The following ARMH4 variants were observed in gnomAD, a reference collection of about 807,000 sequenced individuals.
The protein encoded by ARMH4 is armadillo-like helical domain-containing protein 4.
A neutral mutation model predicts 61.9 loss-of-function variants in ARMH4; 49 were observed. That is an observed-to-expected ratio of 0.79 (90% CI 0.63 to 1.00). The LOEUF (loss-of-function observed/expected upper bound fraction) is 1.00. Among genes scored for constraint, ARMH4 ranks in the 50% least tolerant of loss-of-function variants. The pLI is 0.00. For synonymous variants in ARMH4, 368 were observed against 341.5 expected (o/e 1.08, Z -0.85); for missense variants, 934 against 930.0 (o/e 1.00, Z -0.06).
chr14:58,029,904 G>A (rs963951451), intron 5 of ARMH4, among the ~76,000 whole-genome samples: 3 of 152,004 alleles, frequency 2.0e-5, no homozygotes, highest in Non-Finnish European at 2.9e-5. Flanking sequence ...ACGTGTACAC[G>A]AATGTTCATA....
chr14:58,016,816 A>G (rs1008552540), intron 5 of ARMH4, among the ~76,000 whole-genome samples: 1 of 152,246 alleles, frequency 6.6e-6, no homozygotes, highest in Non-Finnish European at 1.5e-5. Flanking sequence ...AAAGGTACAC[A>G]GAAAAGAAAG....
At chr14:58,086,507 C>A (rs1885385448) in intron 5 of ARMH4, among the ~76,000 whole-genome samples, 1 of 152,064 alleles carries the variant, frequency 6.6e-6, no homozygotes, top group South Asian at 2.1e-4. Flanking sequence ...ACCCTCAGTA[C>A]CTGATCAGTT....
At chr14:58,005,232 C>T in intron 6 of ARMH4, 50 bp from the exon 7 acceptor site, 2 of 1,609,012 alleles carry the variant, frequency 1.2e-6, no homozygotes, top group South Asian at 1.1e-5. Context: ...AGCGCGCCGC[C>T]CTGGGTTTCT....
chr14:58,004,667 T>C lies in ARMH4; in HGVS notation c.*69A>G. 1.5e-6 allele frequency: 2 copies of C among 1,330,640 alleles called. No individual in the cohort carries two copies. Among genetic ancestry groups the C allele is most frequent in the Non-Finnish European group, 2.1e-6 (2 of 942,124 alleles). The allele number at this position is 1,330,640 out of a possible 1,614,324, so 82.4% of individuals were successfully genotyped here. On this transcript the variant is annotated 3_prime_UTR_variant, in exon 8 of 8. Coordinates refer to ENST00000267485, the MANE Select transcript of ARMH4 (RefSeq NM_001001872.4). ...GCAATGTGGCAGGTTGTTCTTTTTT[T>C]TTTTCTGCTCCAAAATAAAAATTAG...
intron 5 of ARMH4, among the ~76,000 whole-genome samples, chr14:58,025,798 A>G (rs1226756529): frequency 6.6e-6 from 1 of 152,144 alleles, no homozygotes; most frequent in East Asian, 1.9e-4. Context: ...TCTGTCTATA[A>G]TAATTTGCTC....
intron 5 of ARMH4, among the ~76,000 whole-genome samples, chr14:58,072,424 T>C (rs1040832988): frequency 1.3e-5 from 2 of 152,160 alleles, no homozygotes; most frequent in Admixed American, 6.5e-5. Context: ...TTCCCTCTAA[T>C]AGAATCCTTT....
At chr14:58,112,024 T>C (rs1174972686) in intron 4 of ARMH4, among the ~76,000 whole-genome samples, 1 of 152,164 alleles carries the variant, frequency 6.6e-6, no homozygotes, top group Non-Finnish European at 1.5e-5. Flanking sequence ...ACACCAGTCC[T>C]ATTGGATTTG....
At chr14:58,026,408 A>C (rs1329939715) in intron 5 of ARMH4, among the ~76,000 whole-genome samples, 1 of 152,090 alleles carries the variant, frequency 6.6e-6, no homozygotes, top group Non-Finnish European at 1.5e-5. Context: ...TTTCTGATCT[A>C]TGATTTTACC....
chr14:58,123,101 C>A (rs181494440), intron 4 of ARMH4, among the ~76,000 whole-genome samples: 1 of 152,304 alleles, frequency 6.6e-6, no homozygotes, highest in East Asian at 1.9e-4. Flanking sequence ...CTTCTCCCAG[C>A]CACTAAGTTT....
intron 6 of ARMH4, among the ~76,000 whole-genome samples, chr14:58,011,306 A>G (rs1882398791): frequency 6.6e-6 from 1 of 152,196 alleles, no homozygotes; most frequent in Admixed American, 6.5e-5. Context: ...AATATTAATA[A>G]TTCAAATATG....
At chr14:58,051,518 G>C (rs993087236) in intron 5 of ARMH4, among the ~76,000 whole-genome samples, 2 of 152,174 alleles carry the variant, frequency 1.3e-5, no homozygotes, top group Admixed American at 6.5e-5. Context: ...AAAAGGAATA[G>C]TTCCACCAAA....
intron 5 of ARMH4, among the ~76,000 whole-genome samples, chr14:58,057,558 G>A (rs1435243083): frequency 7.3e-6 from 1 of 136,116 alleles, no homozygotes; most frequent in Non-Finnish European, 1.5e-5. Flanking sequence ...CAAAGGGTGT[G>A]TGTGTGTGTG....
At position 58,002,438 on chromosome 14, in the gene ARMH4, C is replaced by G. The variant is rs1882015512; in HGVS notation, c.*2298G>C. The G allele has an allele frequency of 6.6e-6, 1 of 152,070 alleles. No homozygotes were observed. The highest frequency in any genetic ancestry group is 1.5e-5 in the Non-Finnish European group (1 of 68,012). The allele number at this position is 152,070 out of a possible 1,614,324, so 9.4% of individuals were successfully genotyped here. A position where few individuals can be genotyped will look rare whatever the true frequency, so the allele number is the denominator to read the frequency against. On this transcript the variant is annotated 3_prime_UTR_variant, in exon 8 of 8. Transcript: ENST00000267485. ...GTTAAGCCAAAATTCACATACATGT[C>G]ATCCTCACGGACCTCTGAGAAATGA...
intron 4 of ARMH4, among the ~76,000 whole-genome samples, chr14:58,100,497 G>C (rs1212706636): frequency 2.0e-5 from 3 of 152,188 alleles, no homozygotes; most frequent in Non-Finnish European, 4.4e-5. Context: ...GGGATAGAGA[G>C]AGGGTAAGAA....
chr14:58,125,091 G>A (rs982216276), intron 4 of ARMH4, among the ~76,000 whole-genome samples: 22 of 152,020 alleles, frequency 1.4e-4, no homozygotes, highest in African/African-American at 4.6e-4. Context: ...TTACACTGCC[G>A]GGGTCATCAG....
chr14:58,118,002 G>A (rs1452095056), intron 4 of ARMH4, among the ~76,000 whole-genome samples: 4 of 151,892 alleles, frequency 2.6e-5, no homozygotes, highest in African/African-American at 7.3e-5. Context: ...GGCCTCAAGC[G>A]ATCCTCCTGC....
At chr14:58,132,720 G>C (rs1367030782) in intron 3 of ARMH4, among the ~76,000 whole-genome samples, 1 of 151,492 alleles carries the variant, frequency 6.6e-6, no homozygotes, top group Non-Finnish European at 1.5e-5. Context: ...CGAGTAGCTC[G>C]GACTACAGGC....
chr14:58,023,518 C>A (rs1352107250), intron 5 of ARMH4, among the ~76,000 whole-genome samples: 1 of 152,146 alleles, frequency 6.6e-6, no homozygotes, highest in Non-Finnish European at 1.5e-5. Flanking sequence ...GTTACCTCCT[C>A]CAATGAAGTC....
At chr14:58,089,684 C>T (rs959343305) in intron 5 of ARMH4, among the ~76,000 whole-genome samples, 19 of 152,206 alleles carry the variant, frequency 1.2e-4, no homozygotes, top group African/African-American at 3.9e-4. Flanking sequence ...TCTGAAGACA[C>T]GTATCAATGC....
Sources: allele counts gnomAD v4.1 joint callset (sites outside exome capture counted in the v4.1 genomes callset), GRCh38; gene constraint gnomAD v4.1.1; transcripts MANE v1.5; gene names NCBI Gene and HGNC (gene_info 2026-07-23, HGNC 2026-07-21).